VAV3: variants seen among roughly 807,000 people sequenced by gnomAD.
The protein encoded by VAV3 is guanine nucleotide exchange factor VAV3.
Under a neutral mutation model 131.2 loss-of-function variants are expected in VAV3, and 94 were observed. The observed-to-expected ratio is 0.72, with a 90% CI of 0.61 to 0.85. VAV3 has a LOEUF of 0.85. Ranked by LOEUF, VAV3 falls within the 40% of genes least tolerant of loss-of-function variation. The probability of loss-of-function intolerance (pLI) is 0.00; values close to 1 mark genes in which losing one functional copy is unlikely to be tolerated. For synonymous variants in VAV3, 349 were observed against 342.0 expected, an observed-to-expected ratio of 1.02 and a Z score of -0.22; for missense variants, 939 against 1,002.7, an observed-to-expected ratio of 0.94 and a Z score of 0.86.
intron 1 of VAV3, among the ~76,000 whole-genome samples, chr1:107,941,778 C>A (rs2125749): frequency 0.34 from 52,107 of 152,008 alleles, 9,329 homozygotes; most frequent in African/African-American, 0.47. Flanking sequence ...ACTTCCTGCA[C>A]CAGATATTTG....
In VAV3 at chr1:107,915,504, CTGAG is replaced by C. The variant is rs138988479; in HGVS notation, c.205-40491_205-40488del. Among the ~76,000 whole-genome samples the C allele has an allele frequency of 6.4e-3, 981 of 152,240 alleles. 11 individuals are homozygous for C. The highest frequency in any genetic ancestry group is 0.023 in the African/African-American group (940 of 41,526). ...AGGCAGGTCCCAATCCTATGTGAAA[CTGAG>C]TAAGTTACTTGATCTGTTCCTCGAT... On this transcript the variant is annotated intron_variant, in intron 1 of 26. Transcript: ENST00000370056.
At chr1:107,603,907 G>C (rs1652065279) in intron 22 of VAV3, among the ~76,000 whole-genome samples, 1 of 151,842 alleles carries the variant, frequency 6.6e-6, no homozygotes, top group Admixed American at 6.6e-5. Context: ...TGGGTTCAAG[G>C]GAGGCCTGTG....
At chr1:107,662,408 GA>G (rs1042565337) in intron 19 of VAV3, among the ~76,000 whole-genome samples, 3 of 151,104 alleles carry the variant, frequency 2.0e-5, no homozygotes, top group Non-Finnish European at 4.4e-5. Context: ...TTCTATAAGG[GA>G]AAAAAAAATA....
chr1:107,914,844 G>C (rs1672535656), intron 1 of VAV3, among the ~76,000 whole-genome samples: 1 of 152,192 alleles, frequency 6.6e-6, no homozygotes, highest in Admixed American at 6.5e-5. Context: ...GAAATTAAAA[G>C]TCTCACTAGG....
At chr1:107,654,761 C>T (rs1656419924) in intron 19 of VAV3, among the ~76,000 whole-genome samples, 2 of 151,978 alleles carry the variant, frequency 1.3e-5, no homozygotes, top group East Asian at 3.8e-4. Flanking sequence ...ACAAGCTACT[C>T]AAACAAGTCA....
intron 25 of VAV3, among the ~76,000 whole-genome samples, chr1:107,583,493 T>C (rs1282367387): frequency 6.6e-6 from 1 of 152,134 alleles, no homozygotes; most frequent in Non-Finnish European, 1.5e-5. Context: ...ATGACATGAT[T>C]GTATATCTAG....
intron 20 of VAV3, among the ~76,000 whole-genome samples, chr1:107,631,976 C>A (rs988032358): frequency 1.3e-5 from 2 of 152,048 alleles, no homozygotes; most frequent in African/African-American, 4.8e-5. Context: ...GATTTATAAT[C>A]TTTTGGGTAT....
intron 20 of VAV3, among the ~76,000 whole-genome samples, chr1:107,634,503 T>C (rs1488889755): frequency 1.3e-5 from 2 of 152,214 alleles, no homozygotes; most frequent in East Asian, 3.9e-4. Flanking sequence ...ATGTTAGACC[T>C]AAAACCATAA....
chr1:107,852,507 G>A (rs989732029), intron 2 of VAV3, among the ~76,000 whole-genome samples: 6 of 152,026 alleles, frequency 3.9e-5, no homozygotes, highest in African/African-American at 1.5e-4. Flanking sequence ...TGGGGATCAT[G>A]GTTTACATAC....
intron 2 of VAV3, among the ~76,000 whole-genome samples, chr1:107,840,428 T>C (rs1668648721): frequency 6.6e-6 from 1 of 152,208 alleles, no homozygotes; most frequent in African/African-American, 2.4e-5. Context: ...TGTTCATTAA[T>C]AAAGTGCCTT....
chr1:107,959,715 T>C (rs183171536), intron 1 of VAV3, among the ~76,000 whole-genome samples: 3 of 152,238 alleles, frequency 2.0e-5, no homozygotes, highest in Admixed American at 1.3e-4. Context: ...TCTCATGATT[T>C]TAAATACCAT....
intron 19 of VAV3, chr1:107,678,086 CT>C (rs1334029245): frequency 5.3e-5 from 8 of 152,088 alleles, no homozygotes; most frequent in Admixed American, 4.6e-4. Flanking sequence ...CAAAACTAGT[CT>C]TATTGTCCAT....
At chr1:107,634,700 A>C (rs1281541801) in intron 20 of VAV3, among the ~76,000 whole-genome samples, 1 of 150,870 alleles carries the variant, frequency 6.6e-6, no homozygotes, top group East Asian at 1.9e-4. Context: ...ACAACATGGG[A>C]GAAAATTTTT....
intron 20 of VAV3, among the ~76,000 whole-genome samples, chr1:107,626,339 T>C (rs1654011650): frequency 6.6e-6 from 1 of 152,180 alleles, no homozygotes; most frequent in Non-Finnish European, 1.5e-5. Context: ...TTATCTTCTA[T>C]AATCATCTCT....
chr1:107,877,821 C>G (rs1670575786), intron 1 of VAV3, among the ~76,000 whole-genome samples: 1 of 152,288 alleles, frequency 6.6e-6, no homozygotes, highest in East Asian at 1.9e-4. Context: ...GATTTTCCCA[C>G]TGCTCCAAAA....
At chr1:107,618,427 G>A (rs540274192) in intron 20 of VAV3, among the ~76,000 whole-genome samples, 3 of 152,224 alleles carry the variant, frequency 2.0e-5, no homozygotes, top group East Asian at 3.9e-4. Flanking sequence ...TGTAAGTTTT[G>A]GATGATTTTC....
chr1:107,784,159 CTCTT>C (rs1312000502), intron 2 of VAV3, among the ~76,000 whole-genome samples: 1 of 152,136 alleles, frequency 6.6e-6, no homozygotes, highest in Admixed American at 6.5e-5. Context: ...CCTCTCCTCT[CTCTT>C]CTGCCTAAAT....
At chr1:107,735,526 TCACC>T (rs1662562115) in intron 15 of VAV3, among the ~76,000 whole-genome samples, 1 of 151,854 alleles carries the variant, frequency 6.6e-6, no homozygotes, top group African/African-American at 2.4e-5. Flanking sequence ...AAAGGGGATA[TCACC>T]ACCGATCCCA....
chr1:107,908,321 C>A (rs1447047471), intron 1 of VAV3, among the ~76,000 whole-genome samples: 2 of 152,150 alleles, frequency 1.3e-5, no homozygotes, highest in African/African-American at 2.4e-5. Context: ...CACTGTAGGG[C>A]TATAGGTGGC....
Sources: gnomAD v4.1 joint callset for allele counts (sites outside exome capture counted in the v4.1 genomes callset) on GRCh38, gnomAD v4.1.1 for gene constraint, MANE v1.5 for transcripts, NCBI Gene and HGNC (gene_info 2026-07-23, HGNC 2026-07-21) for gene names.